Variants in NEGR1 observed in about 807,000 individuals in gnomAD.
NEGR1 encodes the protein IgLON family member 4.
In NEGR1, 10 loss-of-function variants were observed where a neutral mutation model predicts 40.9. The observed-to-expected ratio is 0.24, with a 90% CI of 0.15 to 0.42. The LOEUF is 0.42. Among genes scored for constraint, NEGR1 ranks in the 10% least tolerant of loss-of-function variants. NEGR1 has a pLI of 1.00. For missense variants in NEGR1, 352 were observed against 438.9 expected, an observed-to-expected ratio of 0.80 and a Z score of 1.77; for synonymous variants, 185 against 166.8, an observed-to-expected ratio of 1.11 and a Z score of -0.84.
At chr1:71,613,708 G>A (rs550159897) in intron 4 of NEGR1, among the ~76,000 whole-genome samples, 16 of 151,342 alleles carry the variant, frequency 1.1e-4, no homozygotes, top group Non-Finnish European at 1.3e-4. Context: ...GTATGCATGC[G>A]TCTTTTCATA....
intron 2 of NEGR1, among the ~76,000 whole-genome samples, chr1:71,901,380 C>G (rs1203242865): frequency 6.6e-6 from 1 of 152,158 alleles, no homozygotes; most frequent in Non-Finnish European, 1.5e-5. Flanking sequence ...TATCACGCAT[C>G]TTTCTTCGCT....
At chr1:71,581,246 G>A (rs985016201) in intron 6 of NEGR1, among the ~76,000 whole-genome samples, 1 of 152,060 alleles carries the variant, frequency 6.6e-6, no homozygotes, top group Non-Finnish European at 1.5e-5. Flanking sequence ...ATGGAAACCG[G>A]CAAATGGTCC....
chr1:71,597,269 A>G (rs543838975), intron 5 of NEGR1, among the ~76,000 whole-genome samples: 2 of 152,128 alleles, frequency 1.3e-5, no homozygotes, highest in East Asian at 3.9e-4. Context: ...AAAGAGAGTT[A>G]GGAACCATAG....
intron 2 of NEGR1, among the ~76,000 whole-genome samples, chr1:71,782,432 C>T (rs140840575): frequency 3.2e-4 from 48 of 152,298 alleles, no homozygotes; most frequent in Non-Finnish European, 6.3e-4. Flanking sequence ...CCATAACTCT[C>T]TGCCCCTTTC....
intron 1 of NEGR1, among the ~76,000 whole-genome samples, chr1:71,985,057 T>C (rs1646383284): frequency 3.3e-5 from 5 of 152,158 alleles, no homozygotes. Flanking sequence ...AGCTTGTAAA[T>C]GGTAAAGCCA....
intron 3 of NEGR1, among the ~76,000 whole-genome samples, chr1:71,764,698 A>G (rs772139011): frequency 6.6e-5 from 10 of 152,186 alleles, no homozygotes; most frequent in Non-Finnish European, 8.8e-5. Flanking sequence ...ACAAGGACCA[A>G]TTGAGAGCAA....
Position 72,009,375 on chromosome 1 carries a change from T to C in NEGR1, c.177-74064A>G, listed in dbSNP as rs947709111. Among the ~76,000 whole-genome samples the C allele has an allele frequency of 3.9e-5, 6 of 152,240 alleles. No homozygotes were observed. The East Asian group carries it at 1.2e-3, about 29-fold the overall frequency. On this transcript the variant is annotated intron_variant, in intron 1 of 6. Coordinates refer to ENST00000357731, the MANE Select transcript of NEGR1 (RefSeq NM_173808.3). ...CCCTGTCTTTGTGAGGGTTAACATATGGAAACTTACGCAATATTCTAATTT... is the reference window on the plus strand; with the variant it reads ...CCCTGTCTTTGTGAGGGTTAACATACGGAAACTTACGCAATATTCTAATTT...
At chr1:71,804,047 A>G (rs1332951477) in intron 2 of NEGR1, among the ~76,000 whole-genome samples, 1 of 152,094 alleles carries the variant, frequency 6.6e-6, no homozygotes, top group Non-Finnish European at 1.5e-5. Context: ...TTTATTAAAT[A>G]TGAATAGAAT....
intron 6 of NEGR1, among the ~76,000 whole-genome samples, chr1:71,556,899 T>A (rs1648271650): frequency 6.6e-6 from 1 of 151,616 alleles, no homozygotes; most frequent in Non-Finnish European, 1.5e-5. Flanking sequence ...ACAACAGATG[T>A]GTAAAATAGC....
In NEGR1 at chr1:72,211,038, C is replaced by T. The variant is rs576869177; in HGVS notation, c.176+71281G>A. ...CAATAAACATGCACAGTTTTTTGTACATCAATTATACCTCCACAAAGCTGT... is the reference window on the plus strand; with the variant it reads ...CAATAAACATGCACAGTTTTTTGTATATCAATTATACCTCCACAAAGCTGT... On this transcript the variant is annotated intron_variant, in intron 1 of 6. Coordinates refer to ENST00000357731, the MANE Select transcript of NEGR1 (RefSeq NM_173808.3). Among the ~76,000 whole-genome samples, 12 of 151,864 alleles carry T rather than the reference C, an allele frequency of 7.9e-5. No individual in the cohort carries two copies. The East Asian group carries it at 1.6e-3, about 20-fold the overall frequency.
At position 72,100,387 on chromosome 1, in the gene NEGR1, C is replaced by T. The variant is rs759344613; in HGVS notation, c.177-165076G>A. Among the ~76,000 whole-genome samples the T allele has an allele frequency of 5.8e-4, 89 of 152,184 alleles. 1 individual carries two copies. The highest frequency in any genetic ancestry group is 2.9e-4 in the Non-Finnish European group (20 of 68,032). On this transcript the variant is annotated intron_variant, in intron 1 of 6. Coordinates refer to ENST00000357731, the MANE Select transcript of NEGR1 (RefSeq NM_173808.3). ...TTTTTACTATTGCAAACACCCAAGACTATCAACTCATGTACCTCAACTAAT... is the reference window on the plus strand; with the variant it reads ...TTTTTACTATTGCAAACACCCAAGATTATCAACTCATGTACCTCAACTAAT...
intron 6 of NEGR1, among the ~76,000 whole-genome samples, chr1:71,529,715 T>A (rs1462704048): frequency 6.6e-6 from 1 of 151,190 alleles, no homozygotes; most frequent in African/African-American, 2.4e-5. Flanking sequence ...TTGTCCAGAA[T>A]AACTTATAGT....
intron 1 of NEGR1, among the ~76,000 whole-genome samples, chr1:72,064,521 C>T (rs1359188301): frequency 6.6e-6 from 1 of 152,084 alleles, no homozygotes; most frequent in African/African-American, 2.4e-5. Flanking sequence ...GCCCTGAGCA[C>T]CAACGGCTTT....
intron 2 of NEGR1, among the ~76,000 whole-genome samples, chr1:71,804,118 AC>A (rs1222335627): frequency 6.6e-6 from 1 of 152,088 alleles, no homozygotes; most frequent in Non-Finnish European, 1.5e-5. Flanking sequence ...CTAGTATACA[AC>A]CCTACCATTT....
chr1:72,215,246 C>T (rs1042180458), intron 1 of NEGR1, among the ~76,000 whole-genome samples: 2 of 151,812 alleles, frequency 1.3e-5, no homozygotes, highest in South Asian at 4.2e-4. Flanking sequence ...ATGTAAAACC[C>T]CAAACCATAA....
At chr1:72,096,988 A>G (rs13373907) in intron 1 of NEGR1, among the ~76,000 whole-genome samples, 4,113 of 152,050 alleles carry the variant, frequency 0.027, 184 homozygotes, top group African/African-American at 0.095. Flanking sequence ...AGCTGTAGTT[A>G]TATCTTTTAA....
intron 1 of NEGR1, among the ~76,000 whole-genome samples, chr1:72,063,575 T>C (rs1053925627): frequency 6.6e-6 from 1 of 151,954 alleles, no homozygotes; most frequent in Non-Finnish European, 1.5e-5. Flanking sequence ...ATTCTAGCTC[T>C]GCCAGAATGT....
intron 3 of NEGR1, among the ~76,000 whole-genome samples, chr1:71,759,287 CT>C (rs759687500): frequency 0.013 from 1,120 of 85,076 alleles, 3 homozygotes; most frequent in African/African-American, 0.042. Context: ...AAGATTATAA[CT>C]TTTTTTTTTT....
At chr1:71,730,592 T>TATATATATAA (rs1285440400) in intron 3 of NEGR1, among the ~76,000 whole-genome samples, 1 of 146,636 alleles carries the variant, frequency 6.8e-6, no homozygotes, top group African/African-American at 2.5e-5. Context: ...TATATATATA[T>TATATATATAA]AAATTTGAAA....
Sources: allele counts gnomAD v4.1 joint callset (sites outside exome capture counted in the v4.1 genomes callset), GRCh38; gene constraint gnomAD v4.1.1; transcripts MANE v1.5; gene names NCBI Gene and HGNC (gene_info 2026-07-23, HGNC 2026-07-21).